Variants in GRIP1 observed in about 807,000 individuals in gnomAD.
The protein encoded by GRIP1 is glutamate receptor interacting protein 1, also known as glutamate receptor-interacting protein 1.
In GRIP1, 45 loss-of-function variants were observed where a neutral mutation model predicts 129.9. That is an observed-to-expected ratio of 0.35 (90% CI 0.27 to 0.44). GRIP1 has a LOEUF of 0.44. Among genes scored for constraint, GRIP1 ranks in the 20% least tolerant of loss-of-function variants. The pLI, the probability that GRIP1 is intolerant of heterozygous loss-of-function variation, is 1.00. For synonymous variants in GRIP1, 530 were observed against 520.8 expected (o/e 1.02, Z -0.24); for missense variants, 1,196 against 1,396.8 (o/e 0.86, Z 2.29).
Position 66,431,413 on chromosome 12 carries a change from G to C in GRIP1, c.1768+1135C>G, listed in dbSNP as rs74098325. Among the ~76,000 whole-genome samples the C allele has an allele frequency of 2.5e-3, 376 of 152,206 alleles. 2 individuals are homozygous for C. The highest frequency in any genetic ancestry group is 7.8e-3 in the African/African-American group (322 of 41,522). On this transcript the variant is annotated intron_variant, in intron 14 of 24. Transcript: ENST00000359742. ...GCTTCTTGCTCTTAATATTTATTTT[G>C]AATTGCAGTACCGTTCTTTTTAGTG...
chr12:66,990,916 G>A (rs7136539), intron 1 of GRIP1, among the ~76,000 whole-genome samples: 61,871 of 150,574 alleles, frequency 0.41, 13,587 homozygotes, highest in Non-Finnish European at 0.48. Flanking sequence ...GGCAGAGGTC[G>A]CGGTGAGCCG....
Position 66,552,716 on chromosome 12 carries a change from C to T in GRIP1, c.137-10766G>A, listed in dbSNP as rs77749009. On this transcript the variant is annotated intron_variant, in intron 2 of 24. Coordinates refer to ENST00000359742, the MANE Select transcript of GRIP1 (RefSeq NM_001366722.1). ...AGCTAGCCTCAAGCAGACTCCAAGC[C>T]ACAAGGGCACTAGTAAATCAGTCCT... Among the ~76,000 whole-genome samples, 34 of 152,310 alleles carry T rather than the reference C, an allele frequency of 2.2e-4. No homozygotes were observed. The East Asian group carries it at 6.2e-3, about 28-fold the overall frequency.
intron 1 of GRIP1, among the ~76,000 whole-genome samples, chr12:66,814,838 G>GA (rs2039176600): frequency 6.6e-6 from 1 of 151,806 alleles, no homozygotes; most frequent in Non-Finnish European, 1.5e-5. Context: ...AAAGGCAAAG[G>GA]GACCTTCTTC....
intron 1 of GRIP1, among the ~76,000 whole-genome samples, chr12:66,766,099 C>T (rs772560581): frequency 6.6e-6 from 1 of 152,154 alleles, no homozygotes; most frequent in Non-Finnish European, 1.5e-5. Context: ...AGAGGAAACA[C>T]ATAAAGCTCA....
rs2059255170 is a variant in GRIP1, at chr12:66,465,272, T to C, written c.872+3A>G. ...AAAAGTAGGCACTTTCTACAATACT[T>C]ACCTGTCTGCAATACTTGCAGATTT... On this transcript the variant is annotated splice_donor_region_variant and intron_variant, in intron 8 of 24. Transcript: ENST00000359742. 13 of 1,612,920 alleles carry C rather than the reference T, an allele frequency of 8.1e-6. No individual in the cohort carries two copies. In the South Asian group the frequency reaches 1.2e-4, roughly 15 times the overall value.
In GRIP1 at chr12:66,744,882, A is replaced by C. The variant is rs2036897387; in HGVS notation, c.-420+59171T>G. Among the ~76,000 whole-genome samples, 4 of 152,272 alleles carry C rather than the reference A, an allele frequency of 2.6e-5. 1 individual carries two copies. The South Asian group carries it at 8.3e-4, about 32-fold the overall frequency. On this transcript the variant is annotated intron_variant, in intron 1 of 4. Coordinates refer to the GRIP1 transcript ENST00000538373. ...CTATTAATACTGCTGACATTTACTA[A>C]ATGTGTAGTATTGTATGGCTATGTT...
At chr12:66,815,848 CTTTCTT>C (rs754749390) in intron 1 of GRIP1, among the ~76,000 whole-genome samples, 15 of 69,556 alleles carry the variant, frequency 2.2e-4, no homozygotes, top group South Asian at 5.8e-4. Flanking sequence ...TTCTTTCTTT[CTTTCTT>C]TCTCTCTCTC....
At chr12:66,528,572 A>G (rs1447631626) in intron 5 of GRIP1, among the ~76,000 whole-genome samples, 1 of 152,232 alleles carries the variant, frequency 6.6e-6, no homozygotes, top group Non-Finnish European at 1.5e-5. Flanking sequence ...TTAGAAAGCT[A>G]CAATAACCAA....
intron 1 of GRIP1, among the ~76,000 whole-genome samples, chr12:67,036,131 C>G (rs1387605373): frequency 6.6e-6 from 1 of 152,134 alleles, no homozygotes; most frequent in East Asian, 1.9e-4. Context: ...CAACCAGAGG[C>G]TTGGGTTGGG....
At chr12:66,881,681 G>A (rs761129549) in intron 1 of GRIP1, among the ~76,000 whole-genome samples, 1 of 152,138 alleles carries the variant, frequency 6.6e-6, no homozygotes, top group Non-Finnish European at 1.5e-5. Flanking sequence ...GGCTGTGGAA[G>A]GCTGAGTAGC....
intron 1 of GRIP1, among the ~76,000 whole-genome samples, chr12:66,717,655 A>G (rs2035934096): frequency 6.6e-6 from 1 of 151,532 alleles, no homozygotes; most frequent in Non-Finnish European, 1.5e-5. Flanking sequence ...TCATTGTAAG[A>G]TTGACTCTCT....
chr12:66,765,312 ATCTGAACACC>A (rs2037601490), intron 1 of GRIP1, among the ~76,000 whole-genome samples: 1 of 152,224 alleles, frequency 6.6e-6, no homozygotes, highest in African/African-American at 2.4e-5. Flanking sequence ...TCTAGCCTTC[ATCTGAACACC>A]TCTAGCCTCT....
intron 1 of GRIP1, among the ~76,000 whole-genome samples, chr12:66,906,648 A>G (rs1242131196): frequency 6.6e-6 from 1 of 152,154 alleles, no homozygotes; most frequent in Non-Finnish European, 1.5e-5. Flanking sequence ...AGCTGTTGCT[A>G]GGTAAGACCA....
chr12:66,962,800 T>G (rs547711608), intron 1 of GRIP1, among the ~76,000 whole-genome samples: 4 of 152,198 alleles, frequency 2.6e-5, no homozygotes, highest in Non-Finnish European at 5.9e-5. Flanking sequence ...TGCCTTAAGT[T>G]TGTAATCAGC....
intron 16 of GRIP1, among the ~76,000 whole-genome samples, chr12:66,401,623 C>T (rs866591382): frequency 0.35 from 35,268 of 99,760 alleles, 6,451 homozygotes; most frequent in Middle Eastern, 0.53. Flanking sequence ...CACACACACA[C>T]ACACACACAC....
At chr12:66,736,727 A>C (rs2036614375) in intron 1 of GRIP1, among the ~76,000 whole-genome samples, 1 of 152,072 alleles carries the variant, frequency 6.6e-6, no homozygotes, top group Admixed American at 6.5e-5. Flanking sequence ...TTCATCTGCT[A>C]CTAAAAGTCC....
intron 1 of GRIP1, among the ~76,000 whole-genome samples, chr12:67,040,233 G>T (rs886343448): frequency 2.8e-5 from 4 of 145,230 alleles, no homozygotes; most frequent in Non-Finnish European, 6.0e-5. Flanking sequence ...CCCCAGCAAA[G>T]TGTCATGGGT....
intron 1 of GRIP1, among the ~76,000 whole-genome samples, chr12:66,786,477 A>C (rs1212818944): frequency 6.6e-6 from 1 of 152,162 alleles, no homozygotes; most frequent in East Asian, 1.9e-4. Context: ...ACCTGAGACT[A>C]GTTAGGCTGT....
chr12:66,810,165 C>G (rs1407824859), intron 1 of GRIP1, among the ~76,000 whole-genome samples: 1 of 151,958 alleles, frequency 6.6e-6, no homozygotes, highest in Admixed American at 6.6e-5. Context: ...GAATAAAAAC[C>G]AGTATATTCA....
Sources: allele counts gnomAD v4.1 joint callset (sites outside exome capture counted in the v4.1 genomes callset), GRCh38; gene constraint gnomAD v4.1.1; transcripts MANE v1.5; gene names NCBI Gene and HGNC (gene_info 2026-07-23, HGNC 2026-07-21).